GPM6A: variants seen among roughly 807,000 people sequenced by gnomAD.
The protein encoded by GPM6A is glycoprotein M6A.
Under a neutral mutation model 32.1 loss-of-function variants are expected in GPM6A, and 7 were observed. The ratio of observed to expected loss-of-function variants is 0.22; its 90% CI spans 0.12 to 0.41. GPM6A has a LOEUF of 0.41. Among genes scored for constraint, GPM6A ranks in the 10% least tolerant of loss-of-function variants. The probability of loss-of-function intolerance (pLI) is 1.00; values close to 1 mark genes in which losing one functional copy is unlikely to be tolerated. For synonymous variants in GPM6A, 130 were observed against 123.4 expected (o/e 1.05, Z -0.35); for missense variants, 235 against 347.2 (o/e 0.68, Z 2.57).
chr4:175,747,942 T>A (rs1020140295), intron 1 of GPM6A, among the ~76,000 whole-genome samples: 2 of 152,216 alleles, frequency 1.3e-5, no homozygotes, highest in African/African-American at 4.8e-5. Context: ...ATTTAAATAA[T>A]ATTCTAAATT....
intron 1 of GPM6A, among the ~76,000 whole-genome samples, chr4:175,764,799 T>C (rs1017693500): frequency 6.6e-6 from 1 of 151,162 alleles, no homozygotes; most frequent in Non-Finnish European, 1.5e-5. Context: ...ATTAAATTTT[T>C]CTTTAACCTT....
intron 2 of GPM6A, among the ~76,000 whole-genome samples, chr4:175,687,457 G>T (rs937005128): frequency 2.6e-5 from 4 of 151,616 alleles, no homozygotes; most frequent in Non-Finnish European, 5.9e-5. Context: ...ATTTTACTTA[G>T]TGTAATGTCC....
intron 1 of GPM6A, among the ~76,000 whole-genome samples, chr4:175,991,415 G>A (rs1165485498): frequency 6.6e-6 from 1 of 151,918 alleles, no homozygotes; most frequent in East Asian, 1.9e-4. Context: ...GTAAAACAGT[G>A]ACAAAATGTA....
intron 1 of GPM6A, among the ~76,000 whole-genome samples, chr4:175,733,777 T>C (rs1295820737): frequency 1.3e-5 from 2 of 152,248 alleles, no homozygotes; most frequent in Non-Finnish European, 2.9e-5. Flanking sequence ...AGCTTGATTG[T>C]GTGCCTGCGA....
chr4:175,731,966 A>ATTT (rs35116129), intron 1 of GPM6A, among the ~76,000 whole-genome samples: 4,637 of 123,644 alleles, frequency 0.038, 267 homozygotes, highest in Middle Eastern at 0.072. Flanking sequence ...TCCTCACTTC[A>ATTT]TTTTTTTTTT....
chr4:175,706,740 T>C (rs926576835), intron 1 of GPM6A, among the ~76,000 whole-genome samples: 5 of 152,134 alleles, frequency 3.3e-5, no homozygotes, highest in African/African-American at 1.2e-4. Context: ...TGAGACCTGC[T>C]GGGCTGCATA....
intron 2 of GPM6A, among the ~76,000 whole-genome samples, chr4:175,698,803 T>A (rs754660880): frequency 6.6e-6 from 1 of 152,182 alleles, no homozygotes; most frequent in Non-Finnish European, 1.5e-5. Context: ...GTTTCACATT[T>A]AATACATAAT....
chr4:175,723,748 A>C (rs1475339766), intron 1 of GPM6A, among the ~76,000 whole-genome samples: 2 of 152,190 alleles, frequency 1.3e-5, no homozygotes. Context: ...ATTAAGTTAT[A>C]CTAAATATTG....
intron 1 of GPM6A, among the ~76,000 whole-genome samples, chr4:175,767,638 A>ATGTGGCTGTAGT (rs1733025627): frequency 6.6e-6 from 1 of 152,264 alleles, no homozygotes. Flanking sequence ...CTAATAAAAT[A>ATGTGGCTGTAGT]TGTGGCTGTA....
intron 1 of GPM6A, among the ~76,000 whole-genome samples, chr4:175,941,654 G>C (rs952559622): frequency 6.6e-6 from 1 of 152,102 alleles, no homozygotes; most frequent in Admixed American, 6.5e-5. Context: ...TTGGTTTTCT[G>C]TTCCTGTGTT....
intron 1 of GPM6A, chr4:175,970,996 C>T (rs1478176477): frequency 7.2e-6 from 3 of 416,698 alleles, no homozygotes; most frequent in African/African-American, 2.1e-5. Flanking sequence ...CTGGGGAATT[C>T]AGTGAAAGTT....
intron 1 of GPM6A, among the ~76,000 whole-genome samples, chr4:175,833,373 T>G (rs1425221308): frequency 6.6e-6 from 1 of 152,166 alleles, no homozygotes; most frequent in African/African-American, 2.4e-5. Flanking sequence ...CCTGTAGGAC[T>G]CTGTAGAAGC....
At chr4:175,640,706 A>G (rs1230766112) in intron 5 of GPM6A, 47 bp downstream of exon 5, 2 of 1,230,570 alleles carry the variant, frequency 1.6e-6, no homozygotes, top group African/African-American at 1.5e-5. Context: ...ATAATAAAAA[A>G]TGAATGCTAA....
intron 1 of GPM6A, among the ~76,000 whole-genome samples, chr4:175,943,930 G>C (rs1243528358): frequency 1.3e-5 from 2 of 152,088 alleles, no homozygotes; most frequent in East Asian, 3.9e-4. Flanking sequence ...TTTTTCTATT[G>C]TTTGGAACAG....
intron 2 of GPM6A, among the ~76,000 whole-genome samples, chr4:175,694,987 G>A (rs1056573323): frequency 6.6e-6 from 1 of 152,144 alleles, no homozygotes; most frequent in African/African-American, 2.4e-5. Flanking sequence ...AGACCCCCAA[G>A]TATACAACTC....
intron 1 of GPM6A, among the ~76,000 whole-genome samples, chr4:175,796,179 A>C (rs908925905): frequency 1.3e-5 from 2 of 152,216 alleles, no homozygotes; most frequent in Admixed American, 6.5e-5. Flanking sequence ...TGACACTTAG[A>C]AGAATGGCTA....
rs200681351 is a variant in GPM6A at position 175,978,961 on chromosome 4, AAAGC to A, written c.-23+23344_-23+23347del. 5.2e-3 allele frequency among the ~76,000 whole-genome samples: 756 copies of A among 144,152 alleles called. 3 individuals are homozygous for A. Among genetic ancestry groups the A allele is most frequent in the African/African-American group, 0.021 (717 of 34,082 alleles). 94.6% of individuals were successfully genotyped at this position (144,152 alleles called of 152,430 possible). A position where few individuals can be genotyped will look rare whatever the true frequency, so the allele number is the denominator to read the frequency against. ...ATGTAAAGCCTAAAACTGTCCATTT[AAAGC>A]AAAAAAAAAAAAAATCCAAATTGAA... On this transcript the variant is annotated intron_variant, in intron 1 of 7. Transcript: ENST00000280187.
intron 4 of GPM6A, among the ~76,000 whole-genome samples, chr4:175,644,122 T>TA (rs145075518): frequency 1.3e-4 from 6 of 44,908 alleles, no homozygotes; most frequent in South Asian, 2.5e-3. Context: ...TTTCCGTTTG[T>TA]TTTTTTTTTT....
intron 1 of GPM6A, among the ~76,000 whole-genome samples, chr4:175,879,345 C>T (rs527487533): frequency 1.3e-5 from 2 of 152,174 alleles, no homozygotes; most frequent in Admixed American, 1.3e-4. Flanking sequence ...TTAGTCCCTT[C>T]TCATACTGCT....
Sources: gnomAD v4.1 joint callset for allele counts (sites outside exome capture counted in the v4.1 genomes callset) on GRCh38, gnomAD v4.1.1 for gene constraint, MANE v1.5 for transcripts, NCBI Gene and HGNC (gene_info 2026-07-23, HGNC 2026-07-21) for gene names.